Variants in FAF1 observed in about 807,000 individuals in gnomAD.
The protein encoded by FAF1 is FAS-associated factor 1.
In FAF1, 25 loss-of-function variants were observed where a neutral mutation model predicts 92.5. The observed-to-expected ratio is 0.27, with a 90% CI of 0.20 to 0.38. The LOEUF is 0.38. Among genes scored for constraint, FAF1 ranks in the 10% least tolerant of loss-of-function variants. The pLI is 1.00. For missense variants in FAF1, 636 were observed against 793.3 expected (o/e 0.80, Z 2.38); for synonymous variants, 234 against 273.2 (o/e 0.86, Z 1.42).
intron 7 of FAF1, among the ~76,000 whole-genome samples, chr1:50,672,077 G>A (rs1200847908): frequency 6.9e-6 from 1 of 145,482 alleles, no homozygotes; most frequent in Non-Finnish European, 1.5e-5. Context: ...ACGGAGTCTT[G>A]CTCTGTCACC....
chr1:50,681,568 C>T (rs1298940898), intron 7 of FAF1, among the ~76,000 whole-genome samples: 3 of 151,828 alleles, frequency 2.0e-5, no homozygotes, highest in Admixed American at 6.6e-5. Context: ...AGTGCAATGG[C>T]GCAATCTCGT....
At chr1:50,505,615 T>G (rs191190985) in intron 15 of FAF1, among the ~76,000 whole-genome samples, 2 of 152,324 alleles carry the variant, frequency 1.3e-5, no homozygotes, top group East Asian at 1.9e-4. Flanking sequence ...CAAAACTGAT[T>G]TGTGGCCTGT....
intron 18 of FAF1, among the ~76,000 whole-genome samples, chr1:50,454,233 T>A (rs1405209049): frequency 6.6e-6 from 1 of 152,258 alleles, no homozygotes; most frequent in Non-Finnish European, 1.5e-5. Flanking sequence ...AGACCCTATG[T>A]GCCAGACAAT....
At chr1:50,942,849 A>G (rs1645144547) in intron 1 of FAF1, among the ~76,000 whole-genome samples, 1 of 151,922 alleles carries the variant, frequency 6.6e-6, no homozygotes, top group Non-Finnish European at 1.5e-5. Flanking sequence ...GGATTGCGTT[A>G]CGGGAGAGGA....
intron 10 of FAF1, 116 bp downstream of exon 10, chr1:50,584,564 ATTATC>A: frequency 1.1e-6 from 1 of 940,666 alleles, no homozygotes; most frequent in Non-Finnish European, 1.6e-6. Flanking sequence ...CCTACTCTCT[ATTATC>A]TTATCTCCTC....
intron 18 of FAF1, among the ~76,000 whole-genome samples, chr1:50,443,642 G>A (rs1274970546): frequency 1.3e-5 from 2 of 152,134 alleles, no homozygotes; most frequent in Non-Finnish European, 2.9e-5. Flanking sequence ...TATAACCTGA[G>A]AGCCAGTTTT....
At chr1:50,763,420 G>T (rs1324977942) in intron 4 of FAF1, among the ~76,000 whole-genome samples, 2 of 152,010 alleles carry the variant, frequency 1.3e-5, no homozygotes, top group Non-Finnish European at 2.9e-5. Flanking sequence ...CCTGCTTGTT[G>T]TTATGAAACT....
intron 7 of FAF1, among the ~76,000 whole-genome samples, chr1:50,669,857 C>A (rs962553162): frequency 2.6e-5 from 4 of 152,216 alleles, no homozygotes; most frequent in African/African-American, 9.6e-5. Context: ...CGCAGTGGCT[C>A]ACGCCTGTAA....
chr1:50,787,491 C>A, intron 4 of FAF1, among the ~76,000 whole-genome samples: 1 of 152,198 alleles, frequency 6.6e-6, no homozygotes, highest in East Asian at 1.9e-4. Context: ...GATACAGCAT[C>A]AACGTGCCAT....
At chr1:50,874,473 C>T (rs1335987675) in intron 1 of FAF1, among the ~76,000 whole-genome samples, 2 of 151,922 alleles carry the variant, frequency 1.3e-5, no homozygotes, top group African/African-American at 4.8e-5. Flanking sequence ...GTGATCCTCC[C>T]ACCTCAGCTC....
intron 2 of FAF1, among the ~76,000 whole-genome samples, chr1:50,839,051 A>G (rs1044320502): frequency 6.6e-6 from 1 of 152,132 alleles, no homozygotes; most frequent in African/African-American, 2.4e-5. Flanking sequence ...TTTTGATGTG[A>G]TCAGAGCACA....
At chr1:50,885,878 C>A (rs189038167) in intron 1 of FAF1, among the ~76,000 whole-genome samples, 1 of 152,000 alleles carries the variant, frequency 6.6e-6, no homozygotes. Flanking sequence ...GAGGTTACCA[C>A]GAGGCTTCCA....
intron 1 of FAF1, among the ~76,000 whole-genome samples, chr1:50,932,519 G>A (rs746171343): frequency 1.3e-5 from 2 of 152,236 alleles, no homozygotes; most frequent in Non-Finnish European, 2.9e-5. Context: ...GATGCAAAAG[G>A]TGGGTTCCCA....
At chr1:50,824,005 T>C (rs1644069587) in intron 2 of FAF1, among the ~76,000 whole-genome samples, 1 of 152,258 alleles carries the variant, frequency 6.6e-6, no homozygotes. Flanking sequence ...AAAATTAAAA[T>C]CATGTGTTCT....
intron 15 of FAF1, among the ~76,000 whole-genome samples, chr1:50,493,655 A>C (rs994934791): frequency 6.6e-6 from 1 of 152,222 alleles, no homozygotes; most frequent in Non-Finnish European, 1.5e-5. Context: ...GAACTTGTCT[A>C]TATTATATAT....
At position 50,669,324 on chromosome 1, in the gene FAF1, G is replaced by C. The variant is rs1655767190; in HGVS notation, c.658-13796C>G. Among the ~76,000 whole-genome samples the C allele has an allele frequency of 2.0e-5, 3 of 152,152 alleles. No homozygotes were observed. In the South Asian group the frequency reaches 6.2e-4, roughly 32 times the overall value. ...AAAGACCATATAATTTACTTAATAA[G>C]ATAAAGGGGGGAAAATCACCATTTA... On this transcript the variant is annotated intron_variant, in intron 7 of 18. Coordinates refer to ENST00000396153, the MANE Select transcript of FAF1 (RefSeq NM_007051.3).
chr1:50,724,272 C>CAT (rs1373836944), intron 6 of FAF1, among the ~76,000 whole-genome samples: 13 of 124,586 alleles, frequency 1.0e-4, no homozygotes, highest in East Asian at 6.7e-4. Context: ...TATATATATA[C>CAT]ATATACACAC....
chr1:50,499,243 G>A (rs960331918), intron 15 of FAF1, among the ~76,000 whole-genome samples: 1 of 152,032 alleles, frequency 6.6e-6, no homozygotes, highest in Non-Finnish European at 1.5e-5. Context: ...TTATTAGACT[G>A]GCTAGAACTG....
At chr1:50,599,810 T>C (rs1206832588) in intron 8 of FAF1, among the ~76,000 whole-genome samples, 1 of 152,222 alleles carries the variant, frequency 6.6e-6, no homozygotes, top group Non-Finnish European at 1.5e-5. Flanking sequence ...ACTGTGGTTA[T>C]TTGGATTTGG....
Sources: gnomAD v4.1 joint callset for allele counts (sites outside exome capture counted in the v4.1 genomes callset) on GRCh38, gnomAD v4.1.1 for gene constraint, MANE v1.5 for transcripts, NCBI Gene and HGNC (gene_info 2026-07-23, HGNC 2026-07-21) for gene names.